Variants in RASSF3 observed in about 807,000 individuals in gnomAD.
RASSF3 encodes Ras association domain family member 3, also known as ras association domain-containing protein 3.
In RASSF3, 19 loss-of-function variants were observed where a neutral mutation model predicts 19.9. That is an observed-to-expected ratio of 0.96 (90% CI 0.67 to 1.40). The LOEUF is 1.40. RASSF3 is among the 40% of genes most tolerant of loss of function. The pLI, the probability that RASSF3 is intolerant of heterozygous loss-of-function variation, is 0.00. For missense variants in RASSF3, 306 were observed against 289.8 expected, an observed-to-expected ratio of 1.06 and a Z score of -0.41; for synonymous variants, 110 against 104.2, an observed-to-expected ratio of 1.06 and a Z score of -0.34.
chr12:64,535,721 C>T (rs1241076699), intron 1 of RASSF3, among the ~76,000 whole-genome samples: 2 of 130,210 alleles, frequency 1.5e-5, no homozygotes, highest in Admixed American at 1.6e-4. Context: ...GAGTTTTGCT[C>T]TTATTGCCCA....
intron 1 of RASSF3, among the ~76,000 whole-genome samples, chr12:64,614,914 G>GTC (rs1405194834): frequency 2.0e-5 from 3 of 151,798 alleles, no homozygotes; most frequent in Non-Finnish European, 4.4e-5. Context: ...GGCCAGGCTG[G>GTC]TCTTGAACTT....
At chr12:64,670,825 G>T (rs1381718002) in intron 1 of RASSF3, among the ~76,000 whole-genome samples, 1 of 152,110 alleles carries the variant, frequency 6.6e-6, no homozygotes, top group Admixed American at 6.6e-5. Context: ...CAAACGTTAG[G>T]GTCTCAGCTT....
At chr12:64,568,715 C>CTTT (rs35680868) in intron 2 of RASSF3, among the ~76,000 whole-genome samples, 10 of 146,450 alleles carry the variant, frequency 6.8e-5, no homozygotes, top group African/African-American at 2.2e-4. Flanking sequence ...TCTGAGTTCA[C>CTTT]TTTTTTTTTT....
At chr12:64,691,646 T>A in intron 4 of RASSF3, 67 bp downstream of exon 4, 3 of 610,124 alleles carry the variant, frequency 4.9e-6, no homozygotes, top group Non-Finnish European at 7.3e-6. Context: ...TGCAGTAGCC[T>A]AGTGACTTGG....
rs1592478988 is a variant in RASSF3 at position 64,695,264 on chromosome 12, T to C, written c.*352T>C. 2 of 183,464 alleles carry C rather than the reference T, an allele frequency of 1.1e-5. No individual in the cohort carries two copies. Among genetic ancestry groups the C allele is most frequent in the Non-Finnish European group, 2.2e-5 (2 of 89,058 alleles). 11.4% of individuals were successfully genotyped at this position (183,464 alleles called of 1,614,324 possible). A position where few individuals can be genotyped will look rare whatever the true frequency, so the allele number is the denominator to read the frequency against. Reference sequence around the variant, plus strand: ...TGCTGTTAAGCTTACAGATATGCAGTTGATTTTTTAAAAAGCTTAACTAGG... The same window carrying C: ...TGCTGTTAAGCTTACAGATATGCAGCTGATTTTTTAAAAAGCTTAACTAGG... On this transcript the variant is annotated 3_prime_UTR_variant, in exon 5 of 5. Coordinates refer to ENST00000542104, the MANE Select transcript of RASSF3 (RefSeq NM_178169.4).
chr12:64,676,018 G>A (rs1872885956), intron 1 of RASSF3, among the ~76,000 whole-genome samples: 1 of 151,932 alleles, frequency 6.6e-6, no homozygotes, highest in Admixed American at 6.6e-5. Flanking sequence ...GATAAGCATT[G>A]AGTCTCTAGA....
chr12:64,658,944 C>T (rs1256924096), intron 1 of RASSF3, among the ~76,000 whole-genome samples: 6 of 152,146 alleles, frequency 3.9e-5, no homozygotes, highest in Admixed American at 2.6e-4. Context: ...GTGATGTACA[C>T]CTGTAGTCCC....
chr12:64,680,120 G>A (rs541836269), intron 1 of RASSF3, among the ~76,000 whole-genome samples: 1 of 152,232 alleles, frequency 6.6e-6, no homozygotes, highest in Admixed American at 6.5e-5. Context: ...ATACAGCTGC[G>A]TTCCTAGAAA....
At chr12:64,519,965 A>G (rs995765312) in intron 1 of RASSF3, among the ~76,000 whole-genome samples, 2 of 152,052 alleles carry the variant, frequency 1.3e-5, no homozygotes, top group Non-Finnish European at 2.9e-5. Context: ...CCTTCTGTGT[A>G]CGTGACTTTG....
intron 1 of RASSF3, chr12:64,654,080 C>T (rs1565862006): frequency 6.6e-6 from 1 of 152,176 alleles, no homozygotes; most frequent in Non-Finnish European, 1.5e-5. Context: ...CTGATTCTGA[C>T]TAGAATTAAT....
chr12:64,637,914 C>G (rs1351387861), intron 1 of RASSF3, among the ~76,000 whole-genome samples: 2 of 151,698 alleles, frequency 1.3e-5, no homozygotes, highest in Admixed American at 1.3e-4. Flanking sequence ...TGACTGCAAC[C>G]TCCGCCTCCT....
chr12:64,534,385 C>T (rs868227082), intron 1 of RASSF3, among the ~76,000 whole-genome samples: 1 of 152,052 alleles, frequency 6.6e-6, no homozygotes, highest in African/African-American at 2.4e-5. Context: ...GTCCCAGCTA[C>T]TCGGGAGGCT....
At chr12:64,658,083 T>C (rs1420836588) in intron 1 of RASSF3, among the ~76,000 whole-genome samples, 2 of 152,154 alleles carry the variant, frequency 1.3e-5, no homozygotes, top group Non-Finnish European at 2.9e-5. Flanking sequence ...GGTTGCGTTA[T>C]GCTCCCCTGT....
chr12:64,529,832 G>GC (rs1281002616), upstream of RASSF3, among the ~76,000 whole-genome samples: 1 of 152,140 alleles, frequency 6.6e-6, no homozygotes, highest in Non-Finnish European at 1.5e-5. Flanking sequence ...CCAACATGTT[G>GC]TTCACCCAAA....
At chr12:64,676,194 C>T (rs1426227009) in intron 1 of RASSF3, among the ~76,000 whole-genome samples, 6 of 115,232 alleles carry the variant, frequency 5.2e-5, no homozygotes, top group Non-Finnish European at 8.7e-5. Flanking sequence ...TTTTTTGAGA[C>T]GGAGTTTCGC....
In RASSF3 at chr12:64,562,608, T is replaced by C. The variant is rs1000138454; in HGVS notation, c.294+20903T>C. ...ACTGGGGAAACTTCCTCTATTCTCCTGGGTGTTTAAATTTTATTTATTTTA... is the reference window on the plus strand; with the variant it reads ...ACTGGGGAAACTTCCTCTATTCTCCCGGGTGTTTAAATTTTATTTATTTTA... On this transcript the variant is annotated intron_variant, in intron 2 of 5. Coordinates refer to the RASSF3 transcript ENST00000637125. Among the ~76,000 whole-genome samples the C allele has an allele frequency of 6.7e-5, 9 of 134,736 alleles. No individual in the cohort carries two copies. In the Admixed American group the frequency reaches 7.0e-4, roughly 10 times the overall value. The allele number at this position is 134,736 out of a possible 152,430, so 88.4% of individuals were successfully genotyped here. A position where few individuals can be genotyped will look rare whatever the true frequency, so the allele number is the denominator to read the frequency against.
chr12:64,540,869 C>T (rs1292677739), intron 1 of RASSF3, among the ~76,000 whole-genome samples: 9 of 152,028 alleles, frequency 5.9e-5, no homozygotes, highest in Admixed American at 5.9e-4. Flanking sequence ...CTTCTGGGCT[C>T]AAGCAATCCT....
intron 2 of RASSF3, among the ~76,000 whole-genome samples, chr12:64,596,219 T>G (rs1461953089): frequency 6.6e-6 from 1 of 152,230 alleles, no homozygotes; most frequent in African/African-American, 2.4e-5. Context: ...CATTTTCCCC[T>G]GTACTTTTGA....
At chr12:64,611,712 C>A (rs74098276) in intron 1 of RASSF3, 1 of 152,234 alleles carries the variant, frequency 6.6e-6, no homozygotes, top group South Asian at 2.1e-4. Flanking sequence ...TCTATTAATA[C>A]CGGACTGAGA....
Sources: gnomAD v4.1 joint callset for allele counts (sites outside exome capture counted in the v4.1 genomes callset) on GRCh38, gnomAD v4.1.1 for gene constraint, MANE v1.5 for transcripts, NCBI Gene and HGNC (gene_info 2026-07-23, HGNC 2026-07-21) for gene names.